B3GALT1: variants seen among roughly 807,000 people sequenced by gnomAD.
B3GALT1 encodes beta-1,3-galactosyltransferase 1, also known as UDP-Gal:betaGlcNAc beta 1,3-galactosyltransferase, polypeptide 1.
B3GALT1 carries 10 observed loss-of-function variants against 23.2 expected under a neutral mutation model. That is an observed-to-expected ratio of 0.43 (90% CI 0.27 to 0.73). The LOEUF (loss-of-function observed/expected upper bound fraction) is 0.73, where lower values mean the gene tolerates loss of function less well. B3GALT1 is among the 30% of genes least tolerant of loss of function. The pLI, the probability that B3GALT1 is intolerant of heterozygous loss-of-function variation, is 0.21. For synonymous variants in B3GALT1, 156 were observed against 141.5 expected (o/e 1.10, Z -0.73); for missense variants, 299 against 405.4 (o/e 0.74, Z 2.25).
At chr2:167,548,720 G>T (rs1461196801) in intron 2 of B3GALT1, among the ~76,000 whole-genome samples, 1 of 148,270 alleles carries the variant, frequency 6.7e-6, no homozygotes, top group Non-Finnish European at 1.5e-5. Context: ...GTGTGTGTAT[G>T]TGTGTGTCTA....
chr2:167,753,751 A>G (rs1558968774), intron 3 of B3GALT1, among the ~76,000 whole-genome samples: 1 of 152,188 alleles, frequency 6.6e-6, no homozygotes, highest in Non-Finnish European at 1.5e-5. Flanking sequence ...CCTTTCATTC[A>G]CACTGCTTCA....
intron 1 of B3GALT1, among the ~76,000 whole-genome samples, chr2:167,331,631 AGT>A: frequency 6.6e-6 from 1 of 152,136 alleles, no homozygotes; most frequent in East Asian, 1.9e-4. Flanking sequence ...GGCTGGGCTG[AGT>A]GATCCCCAGG....
intron 3 of B3GALT1, among the ~76,000 whole-genome samples, chr2:167,704,113 G>A (rs1383656407): frequency 1.3e-5 from 2 of 149,556 alleles, no homozygotes; most frequent in East Asian, 2.0e-4. Flanking sequence ...CCCGGGAGGC[G>A]GAGCTTGCAA....
intron 1 of B3GALT1, among the ~76,000 whole-genome samples, chr2:167,468,425 C>T (rs1699379117): frequency 6.6e-6 from 1 of 152,070 alleles, no homozygotes; most frequent in Non-Finnish European, 1.5e-5. Flanking sequence ...TAACTTACCA[C>T]ATTTACAAAA....
At chr2:167,572,265 C>A (rs549756350) in intron 2 of B3GALT1, among the ~76,000 whole-genome samples, 5 of 151,666 alleles carry the variant, frequency 3.3e-5, no homozygotes, top group African/African-American at 1.2e-4. Flanking sequence ...TAACTTTCCA[C>A]GGAAAATATG....
At chr2:167,665,571 C>T (rs1200039853) in intron 3 of B3GALT1, among the ~76,000 whole-genome samples, 2 of 151,398 alleles carry the variant, frequency 1.3e-5, no homozygotes, top group East Asian at 1.9e-4. Flanking sequence ...TGGTAGAATT[C>T]GGCTGTGAGT....
At chr2:167,512,596 A>ATATATATATATGTG (rs1700034135) in intron 2 of B3GALT1, among the ~76,000 whole-genome samples, 3 of 75,334 alleles carry the variant, frequency 4.0e-5, no homozygotes, top group African/African-American at 2.5e-4. Flanking sequence ...ATATATGTGT[A>ATATATATATATGTG]TATATATATA....
chr2:167,345,618 C>T (rs758968067), intron 1 of B3GALT1, among the ~76,000 whole-genome samples: 9 of 152,186 alleles, frequency 5.9e-5, no homozygotes, highest in African/African-American at 1.2e-4. Flanking sequence ...TAAAGCCAGG[C>T]GTGTTCATTA....
chr2:167,419,295 C>G (rs1197472879), intron 1 of B3GALT1, among the ~76,000 whole-genome samples: 1 of 152,180 alleles, frequency 6.6e-6, no homozygotes, highest in Admixed American at 6.5e-5. Flanking sequence ...AGCTTACCAT[C>G]AGTAAATGAG....
chr2:167,773,724 A>G (rs1357054466), intron 3 of B3GALT1, among the ~76,000 whole-genome samples: 1 of 152,198 alleles, frequency 6.6e-6, no homozygotes, highest in African/African-American at 2.4e-5. Flanking sequence ...TGTTTCTCCC[A>G]AAGGCAGTGG....
Position 167,312,714 on chromosome 2 carries a change from CAT to C in B3GALT1, c.-511+19381_-511+19382del, listed in dbSNP as rs1456522632. The stretch of plus-strand genomic sequence containing the variant: ...CCTGTTTTCAAAGGAATATCTAAAA[CAT>C]TAGGTTATGGACAGTTTGAAAGGAA... On this transcript the variant is annotated intron_variant, in intron 1 of 4. Coordinates refer to ENST00000392690, the MANE Select transcript of B3GALT1 (RefSeq NM_020981.4). Among the ~76,000 whole-genome samples the C allele has an allele frequency of 2.0e-5, 3 of 151,974 alleles. 1 individual carries two copies. The South Asian group carries it at 6.2e-4, about 31-fold the overall frequency.
At chr2:167,720,722 G>A (rs1687217773) in intron 3 of B3GALT1, among the ~76,000 whole-genome samples, 1 of 152,192 alleles carries the variant, frequency 6.6e-6, no homozygotes, top group Non-Finnish European at 1.5e-5. Flanking sequence ...GGAGTGTGGT[G>A]TTGTTTAAAT....
At chr2:167,805,839 A>T (rs990836284) in intron 3 of B3GALT1, among the ~76,000 whole-genome samples, 5 of 152,148 alleles carry the variant, frequency 3.3e-5, no homozygotes, top group Non-Finnish European at 5.9e-5. Flanking sequence ...ATGAACTTTA[A>T]AGTAGTTTCT....
At chr2:167,308,778 A>G (rs1489681796) in intron 1 of B3GALT1, among the ~76,000 whole-genome samples, 1 of 152,044 alleles carries the variant, frequency 6.6e-6, no homozygotes, top group African/African-American at 2.4e-5. Flanking sequence ...GGATATGAGA[A>G]CTATACAGTG....
intron 2 of B3GALT1, among the ~76,000 whole-genome samples, 162 bp downstream of exon 2, chr2:167,490,439 T>G (rs1399907750): frequency 3.9e-5 from 6 of 152,244 alleles, no homozygotes; most frequent in African/African-American, 1.4e-4. Flanking sequence ...TGATCAGAAA[T>G]AATTCCTCAC....
intron 2 of B3GALT1, among the ~76,000 whole-genome samples, chr2:167,497,495 A>G (rs1289996939): frequency 1.3e-5 from 2 of 152,190 alleles, no homozygotes; most frequent in South Asian, 4.1e-4. Flanking sequence ...CTACTAAAAT[A>G]GAGGATTTTT....
intron 1 of B3GALT1, among the ~76,000 whole-genome samples, chr2:167,349,803 A>T (rs550779121): frequency 6.6e-6 from 1 of 152,204 alleles, no homozygotes; most frequent in Non-Finnish European, 1.5e-5. Flanking sequence ...TAACGGGGGG[A>T]TTGCTGCACT....
intron 1 of B3GALT1, among the ~76,000 whole-genome samples, chr2:167,429,501 T>C (rs1698675941): frequency 6.6e-6 from 1 of 152,084 alleles, no homozygotes; most frequent in South Asian, 2.1e-4. Context: ...TAGAGAAACA[T>C]AGCTTAAGAC....
chr2:167,642,410 G>T (rs56856553), intron 2 of B3GALT1, among the ~76,000 whole-genome samples: 17 of 152,082 alleles, frequency 1.1e-4, no homozygotes, highest in African/African-American at 4.1e-4. Flanking sequence ...TCAATGGACT[G>T]ATTAGTTGAA....
Sources: gnomAD v4.1 joint callset for allele counts (sites outside exome capture counted in the v4.1 genomes callset) on GRCh38, gnomAD v4.1.1 for gene constraint, MANE v1.5 for transcripts, NCBI Gene and HGNC (gene_info 2026-07-23, HGNC 2026-07-21) for gene names.